The following RSPH14 variants were observed in gnomAD, a reference collection of about 807,000 sequenced individuals.
RSPH14 encodes the protein radial spoke head 14 homolog.
A neutral mutation model predicts 26.7 loss-of-function variants in RSPH14; 20 were observed. That is an observed-to-expected ratio of 0.75 (90% CI 0.53 to 1.09). The LOEUF is 1.09. Among genes scored for constraint, RSPH14 ranks in the 50% least tolerant of loss-of-function variants. The pLI is 0.00. For missense variants in RSPH14, 449 were observed against 457.2 expected, an observed-to-expected ratio of 0.98 and a Z score of 0.16; for synonymous variants, 177 against 189.3, an observed-to-expected ratio of 0.93 and a Z score of 0.53.
chr22:23,094,234 G>C (rs867339836), intron 4 of RSPH14, among the ~76,000 whole-genome samples: 1 of 152,112 alleles, frequency 6.6e-6, no homozygotes, highest in African/African-American at 2.4e-5. Flanking sequence ...AGAGGGGTGC[G>C]TGTGAGTTGG....
chr22:23,112,112 C>T (rs1215662068), intron 4 of RSPH14, among the ~76,000 whole-genome samples: 2 of 152,168 alleles, frequency 1.3e-5, no homozygotes, highest in Non-Finnish European at 2.9e-5. Context: ...CACAGGCACC[C>T]TCAGCCTCCT....
At chr22:23,174,354 G>C in the RSPH14 span, among the ~76,000 whole-genome samples, 553 of 151,588 alleles carry the variant, frequency 3.6e-3, 4 homozygotes, top group African/African-American at 0.013. Flanking sequence ...CAGTGAGCTA[G>C]GATTGCAATA....
At chr22:23,105,521 G>A (rs1191373065) in intron 4 of RSPH14, among the ~76,000 whole-genome samples, 4 of 152,228 alleles carry the variant, frequency 2.6e-5, no homozygotes, top group Non-Finnish European at 5.9e-5. Context: ...CAGTGCCAGC[G>A]GCTAGGAGTG....
chr22:23,130,101 AAG>A (rs1345142704), intron 4 of RSPH14, among the ~76,000 whole-genome samples: 28 of 77,198 alleles, frequency 3.6e-4, no homozygotes, highest in East Asian at 2.9e-3. Flanking sequence ...GAAAGAAAGA[AAG>A]AAAGAAAGAA....
chr22:23,153,382 A>G, the RSPH14 span: 1 of 199,556 alleles, frequency 5.0e-6, no homozygotes, highest in Non-Finnish European at 9.0e-6. Flanking sequence ...CCACCTGCCC[A>G]TGACCTCCCC....
chr22:23,130,767 T>C (rs9612237), intron 4 of RSPH14, among the ~76,000 whole-genome samples: 78,091 of 152,060 alleles, frequency 0.51, 20,323 homozygotes, highest in Middle Eastern at 0.58. Flanking sequence ...AGGAATCTGA[T>C]GAGGTGTCAG....
Position 23,134,348 on chromosome 22 carries a change from C to T in RSPH14, c.303-204G>A, listed in dbSNP as rs539705382. Among the ~76,000 whole-genome samples, 17 of 152,174 alleles carry T rather than the reference C, an allele frequency of 1.1e-4. No individual in the cohort carries two copies. In the East Asian group the frequency reaches 2.7e-3, roughly 24 times the overall value. On this transcript the variant is annotated intron_variant, in intron 3 of 6. Coordinates refer to ENST00000216036, the MANE Select transcript of RSPH14 (RefSeq NM_014433.3). ...AGGGGAGCGAGCTCAGCAGGCCCAG[C>T]CCACCTTGGCCCCTTGTTCTTCTGG...
intron 4 of RSPH14, among the ~76,000 whole-genome samples, chr22:23,121,107 G>A (rs2070013263): frequency 6.6e-6 from 1 of 152,172 alleles, no homozygotes; most frequent in Non-Finnish European, 1.5e-5. Flanking sequence ...GTTCACTGCG[G>A]AGGCGCTGGC....
rs185048873 is a variant in RSPH14, at chr22:23,100,137, G to A, written c.421+33889C>T. The stretch of plus-strand genomic sequence containing the variant: ...CTGTGCAGGCTCAAGGCTCAGGCTG[G>A]GGCCAAGTATGAGGGTGAGCACAAC... On this transcript the variant is annotated intron_variant, in intron 4 of 6. Coordinates refer to ENST00000216036, the MANE Select transcript of RSPH14 (RefSeq NM_014433.3). Among the ~76,000 whole-genome samples, 296 of 152,378 alleles carry A rather than the reference G, an allele frequency of 1.9e-3. 1 individual carries two copies. Among genetic ancestry groups the A allele is most frequent in the Middle Eastern group, 6.8e-3 (2 of 294 alleles).
At chr22:23,142,614 A>C (rs2070623005), upstream of RSPH14, among the ~76,000 whole-genome samples, 1 of 152,240 alleles carries the variant, frequency 6.6e-6, no homozygotes, top group Non-Finnish European at 1.5e-5. Flanking sequence ...CTAGGATTAC[A>C]GGCGTGAGCC....
intron 4 of RSPH14, among the ~76,000 whole-genome samples, chr22:23,109,236 C>A (rs541312214): frequency 6.6e-6 from 1 of 152,310 alleles, no homozygotes; most frequent in South Asian, 2.1e-4. Context: ...AGAACCAAGG[C>A]AGCCCAAGTG....
intron 4 of RSPH14, among the ~76,000 whole-genome samples, chr22:23,083,822 C>T (rs1166304926): frequency 2.0e-5 from 3 of 152,218 alleles, no homozygotes; most frequent in South Asian, 2.1e-4. Flanking sequence ...TGTTCAAGGT[C>T]GCGCGGGCCA....
intron 4 of RSPH14, among the ~76,000 whole-genome samples, chr22:23,092,406 C>G (rs5759585): frequency 0.4 from 60,056 of 151,864 alleles, 14,293 homozygotes; most frequent in African/African-American, 0.68. Flanking sequence ...AAACACAACA[C>G]AGCCCCACAG....
chr22:23,100,392 C>T (rs2069263066), intron 4 of RSPH14, among the ~76,000 whole-genome samples: 1 of 152,270 alleles, frequency 6.6e-6, no homozygotes, highest in South Asian at 2.1e-4. Context: ...CGTGGGAGGC[C>T]TGGTGTCTCT....
At chr22:23,063,230 A>T (rs1470312849) in intron 5 of RSPH14, among the ~76,000 whole-genome samples, 1 of 152,194 alleles carries the variant, frequency 6.6e-6, no homozygotes, top group Non-Finnish European at 1.5e-5. Flanking sequence ...CACTTGCAGA[A>T]ATACTGGCCT....
At chr22:23,131,899 T>G (rs1255499396) in intron 4 of RSPH14, among the ~76,000 whole-genome samples, 1 of 152,158 alleles carries the variant, frequency 6.6e-6, no homozygotes, top group African/African-American at 2.4e-5. Flanking sequence ...ACAGGCCTAG[T>G]GTGCTCAACT....
chr22:23,124,448 C>T (rs965773230), intron 4 of RSPH14: 4 of 467,746 alleles, frequency 8.6e-6, no homozygotes, highest in African/African-American at 4.0e-5. Context: ...TCGCGGGACA[C>T]GTGTTGTACA....
chr22:23,129,974 GAGAA>G lies in RSPH14; in HGVS notation c.421+4048_421+4051del, dbSNP rs1202563859. Among the ~76,000 whole-genome samples, 7 of 148,254 alleles carry G rather than the reference GAGAA, an allele frequency of 4.7e-5. No homozygotes were observed. In the Admixed American group the frequency reaches 4.8e-4, roughly 10 times the overall value. On this transcript the variant is annotated intron_variant, in intron 4 of 6. Coordinates refer to ENST00000216036, the MANE Select transcript of RSPH14 (RefSeq NM_014433.3). ...GGAGAAAGAAAGAGAGAGGAAGAAA[GAGAA>G]AGAGACAAAGAGAGAAAGAGAAAGA...
At chr22:23,109,109 C>A (rs2069568400) in intron 4 of RSPH14, among the ~76,000 whole-genome samples, 3 of 152,166 alleles carry the variant, frequency 2.0e-5, no homozygotes, top group African/African-American at 7.2e-5. Flanking sequence ...TAGCTCCAGC[C>A]TCCTTGGAAG....
Sources: gnomAD v4.1 joint callset for allele counts (sites outside exome capture counted in the v4.1 genomes callset) on GRCh38, gnomAD v4.1.1 for gene constraint, MANE v1.5 for transcripts, NCBI Gene and HGNC (gene_info 2026-07-23, HGNC 2026-07-21) for gene names.